Variants in PSG8 observed in about 807,000 individuals in gnomAD.
PSG8 encodes the protein pregnancy-specific beta-1-glycoprotein 8.
Under a neutral mutation model 42.5 loss-of-function variants are expected in PSG8, and 57 were observed. The observed-to-expected ratio is 1.34, with a 90% CI of 1.08 to 1.67. The LOEUF (loss-of-function observed/expected upper bound fraction) is 1.67, where lower values mean the gene tolerates loss of function less well. PSG8 is among the 40% of genes most tolerant of loss of function. PSG8 has a pLI of 0.00. For synonymous variants in PSG8, 280 were observed against 196.8 expected, an observed-to-expected ratio of 1.42 and a Z score of -3.54; for missense variants, 783 against 518.6, an observed-to-expected ratio of 1.51 and a Z score of -4.95.
chr19:42,762,346 A>T lies in PSG8; in HGVS notation c.430+1570T>A, dbSNP rs190522003. On this transcript the variant is annotated intron_variant, in intron 2 of 4. Coordinates refer to ENST00000306511, the MANE Select transcript of PSG8 (RefSeq NM_182707.3). ...CAGTCCAGGACCAAAGAGCCCTGAG[A>T]ACCCTCCAGTGGCCAAAGAGCTTCA... 7.2e-5 allele frequency among the ~76,000 whole-genome samples: 11 copies of T among 152,118 alleles called. 1 individual carries two copies. Among genetic ancestry groups the T allele is most frequent in the African/African-American group, 2.7e-4 (11 of 41,500 alleles).
At chr19:42,761,780 T>C (rs1970080343) in intron 2 of PSG8, among the ~76,000 whole-genome samples, 1 of 151,236 alleles carries the variant, frequency 6.6e-6, no homozygotes, top group Non-Finnish European at 1.5e-5. Flanking sequence ...AGACTTGGAG[T>C]CGTTAAAATC....
chr19:42,764,343 G>T, intron 1 of PSG8, 62 bp from the exon 2 acceptor site: 1 of 1,558,648 alleles, frequency 6.4e-7, no homozygotes, highest in Non-Finnish European at 8.6e-7. Context: ...AAAACATGGG[G>T]CCCTGGGTCC....
chr19:42,752,950 T>A, downstream of PSG8: 1 of 340,774 alleles, frequency 2.9e-6, no homozygotes, highest in Non-Finnish European at 5.3e-6. Flanking sequence ...TATGTAAAAG[T>A]TTGGGTTGAG....
At chr19:42,754,780 C>A in intron 4 of PSG8, 193 bp from the exon 5 acceptor site, 2 of 1,415,990 alleles carry the variant, frequency 1.4e-6, no homozygotes, top group Non-Finnish European at 9.4e-7. Flanking sequence ...GGCCCCAAGT[C>A]TCCCATGACA....
chr19:42,753,462 A>T, downstream of PSG8: 1 of 757,830 alleles, frequency 1.3e-6, no homozygotes, highest in South Asian at 1.4e-5. Context: ...TTTCCACATA[A>T]TTTTTCTCTC....
At chr19:42,757,201 G>T (rs1032268198) in intron 3 of PSG8, among the ~76,000 whole-genome samples, 4 of 151,966 alleles carry the variant, frequency 2.6e-5, no homozygotes, top group African/African-American at 9.7e-5. Flanking sequence ...GCAAAAGCTG[G>T]TGGTTTTGGA....
At chr19:42,757,584 G>A (rs1003382661) in intron 3 of PSG8, among the ~76,000 whole-genome samples, 6 of 152,230 alleles carry the variant, frequency 3.9e-5, no homozygotes, top group African/African-American at 1.2e-4. Context: ...AATGGTGGGG[G>A]CATCCAGGCC....
chr19:42,764,400 A>C lies in PSG8; in HGVS notation c.65-119T>G, dbSNP rs549526476. 1.2e-5 allele frequency: 17 copies of C among 1,456,840 alleles called. No individual in the cohort carries two copies. In the African/African-American group the frequency reaches 2.3e-4, roughly 20 times the overall value. The allele number at this position is 1,456,840 out of a possible 1,614,324, so 90.2% of individuals were successfully genotyped here. ...CAGCCTTGAAGACACAGACACACAC[A>C]CATACAAACACACGCACACACACAC... On this transcript the variant is annotated intron_variant, in intron 1 of 4. Transcript: ENST00000306511.
downstream of PSG8, chr19:42,753,064 C>G (rs1404405468): frequency 6.8e-6 from 4 of 591,998 alleles, no homozygotes; most frequent in Admixed American, 5.8e-5. Context: ...TGAGCAAGGA[C>G]AGTTAAGAGG....
chr19:42,755,559 T>G (rs1462870949), intron 3 of PSG8: 1 of 609,848 alleles, frequency 1.6e-6, no homozygotes, highest in Non-Finnish European at 2.6e-6. Flanking sequence ...TCCCTCCCAG[T>G]CCCTCCCTAA....
At chr19:42,757,852 G>A (rs762416828) in intron 3 of PSG8, 150 bp downstream of exon 3, 1 of 1,555,390 alleles carries the variant, frequency 6.4e-7, no homozygotes, top group African/African-American at 1.4e-5. Context: ...GGCCTACTCT[G>A]GTTTGCCTGG....
At chr19:42,762,125 C>T (rs10403696) in intron 2 of PSG8, among the ~76,000 whole-genome samples, 1 of 148,172 alleles carries the variant, frequency 6.7e-6, no homozygotes, top group Non-Finnish European at 1.5e-5. Context: ...GAACAGCCAG[C>T]CTAGTCAGAG....
chr19:42,754,638 T>C, intron 4 of PSG8, 51 bp from the exon 5 acceptor site: 2 of 1,574,664 alleles, frequency 1.3e-6, no homozygotes, highest in South Asian at 2.3e-5. Context: ...GGGAAGGGGA[T>C]GTTCCTGGTC....
intron 2 of PSG8, 124 bp from the exon 3 acceptor site, chr19:42,758,404 G>C (rs1969987921): frequency 5.3e-6 from 8 of 1,520,162 alleles, no homozygotes; most frequent in Non-Finnish European, 7.1e-6. Context: ...GCCCATGGCA[G>C]GTGTGTGTGT....
chr19:42,764,720 T>C (rs1007580091), intron 1 of PSG8, among the ~76,000 whole-genome samples: 14 of 152,180 alleles, frequency 9.2e-5, no homozygotes, highest in East Asian at 5.8e-4. Context: ...CACCTGACCT[T>C]ACATTCTAGA....
intron 2 of PSG8, among the ~76,000 whole-genome samples, chr19:42,759,099 C>G (rs1350949604): frequency 6.6e-6 from 1 of 151,820 alleles, no homozygotes; most frequent in Non-Finnish European, 1.5e-5. Flanking sequence ...AATGCAGAAC[C>G]GACTGGTGGA....
At chr19:42,753,398 A>G (rs761459940), downstream of PSG8, 5 of 779,520 alleles carry the variant, frequency 6.4e-6, no homozygotes, top group Non-Finnish European at 1.2e-5. Context: ...TAATAAAAAC[A>G]CAGAAACAAT....
At position 42,763,650 on chromosome 19, in the gene PSG8, C is replaced by A. The variant is rs1196721129; in HGVS notation, c.430+266G>T. The A allele has an allele frequency of 1.7e-5, 11 of 637,700 alleles. 1 individual carries two copies. Among genetic ancestry groups the A allele is most frequent in the Middle Eastern group, 4.6e-4 (1 of 2,172 alleles). 39.5% of individuals were successfully genotyped at this position (637,700 alleles called of 1,614,324 possible). ...TATGAAGAGGGCATGAGGTGCTTGT[C>A]TGAGACTGATCTCCTCCTGCTGAGT... On this transcript the variant is annotated intron_variant, in intron 2 of 4. Transcript: ENST00000306511.
chr19:42,753,963 T>C (rs1421543296), downstream of PSG8: 1 of 607,050 alleles, frequency 1.6e-6, no homozygotes, highest in Non-Finnish European at 3.0e-6. Flanking sequence ...GTATAGTTTA[T>C]TGAACTGCTA....
Sources: allele counts gnomAD v4.1 joint callset (sites outside exome capture counted in the v4.1 genomes callset), GRCh38; gene constraint gnomAD v4.1.1; transcripts MANE v1.5; gene names NCBI Gene and HGNC (gene_info 2026-07-23, HGNC 2026-07-21).